Variants in EDNRB observed in about 807,000 individuals in gnomAD.
EDNRB encodes endothelin receptor type B.
EDNRB carries 18 observed loss-of-function variants against 46.4 expected under a neutral mutation model. The observed-to-expected ratio is 0.39, with a 90% CI of 0.27 to 0.57. The LOEUF (loss-of-function observed/expected upper bound fraction) is 0.57, where lower values mean the gene tolerates loss of function less well. EDNRB is among the 20% of genes least tolerant of loss of function. The pLI, the probability that EDNRB is intolerant of heterozygous loss-of-function variation, is 0.61. For synonymous variants in EDNRB, 213 were observed against 204.9 expected (o/e 1.04, Z -0.34); for missense variants, 434 against 537.5 (o/e 0.81, Z 1.90).
intron 1 of EDNRB, among the ~76,000 whole-genome samples, chr13:77,926,563 C>A (rs938772323): frequency 6.6e-6 from 1 of 152,156 alleles, no homozygotes; most frequent in African/African-American, 2.4e-5. Context: ...CAGCCTGGAC[C>A]TTATTATTCA....
At chr13:77,945,254 A>C (rs1253386045) in intron 1 of EDNRB, among the ~76,000 whole-genome samples, 1 of 152,212 alleles carries the variant, frequency 6.6e-6, no homozygotes, top group Admixed American at 6.5e-5. Flanking sequence ...TTGCTAAAAA[A>C]AATCCAAGAC....
At chr13:77,928,422 C>A (rs755528537) in intron 1 of EDNRB, among the ~76,000 whole-genome samples, 1 of 151,954 alleles carries the variant, frequency 6.6e-6, no homozygotes, top group East Asian at 1.9e-4. Context: ...AGTATTGTTA[C>A]CAAATATTTT....
At chr13:77,948,626 C>T (rs1484901676) in intron 1 of EDNRB, among the ~76,000 whole-genome samples, 1 of 152,062 alleles carries the variant, frequency 6.6e-6, no homozygotes, top group Non-Finnish European at 1.5e-5. Context: ...TCAAGGCTGT[C>T]GAATGGAGTG....
intron 1 of EDNRB, among the ~76,000 whole-genome samples, chr13:77,914,620 C>T (rs1231225515): frequency 1.3e-5 from 2 of 152,194 alleles, no homozygotes; most frequent in Non-Finnish European, 2.9e-5. Context: ...TGTCCTCAGA[C>T]ACTTCCCTAG....
chr13:77,899,689 T>A (rs1298703001), intron 6 of EDNRB, 170 bp downstream of exon 6: 2 of 598,308 alleles, frequency 3.3e-6, no homozygotes, highest in Non-Finnish European at 5.8e-6. Flanking sequence ...AAAAAACAAT[T>A]ATAGTGATTT....
chr13:77,919,605 C>G (rs201115708), upstream of EDNRB: 149 of 1,606,406 alleles, frequency 9.3e-5, no homozygotes, highest in Middle Eastern at 1.5e-3. Flanking sequence ...CAGACAAGTA[C>G]TTTTATTCAT....
At chr13:77,940,720 TG>T (rs1880721578) in intron 1 of EDNRB, among the ~76,000 whole-genome samples, 2 of 151,516 alleles carry the variant, frequency 1.3e-5, no homozygotes, top group African/African-American at 4.8e-5. Flanking sequence ...TGTGTGTGTG[TG>T]TGTGTGTGTG....
chr13:77,966,895 G>C (rs777124659), intron 1 of EDNRB, among the ~76,000 whole-genome samples: 1 of 152,056 alleles, frequency 6.6e-6, no homozygotes, highest in Non-Finnish European at 1.5e-5. Context: ...AATCCCTAAA[G>C]GGACAGCAAA....
chr13:77,917,048 T>C (rs996233008), intron 1 of EDNRB, among the ~76,000 whole-genome samples: 4 of 152,136 alleles, frequency 2.6e-5, no homozygotes, highest in Non-Finnish European at 4.4e-5. Flanking sequence ...CCTGGCTCTT[T>C]GTGTGTTTCT....
intron 1 of EDNRB, among the ~76,000 whole-genome samples, chr13:77,958,576 A>AT (rs1963660301): frequency 6.6e-6 from 1 of 152,012 alleles, no homozygotes; most frequent in African/African-American, 2.4e-5. Flanking sequence ...GGGTTTCACC[A>AT]TGTTAGCCAG....
intron 1 of EDNRB, among the ~76,000 whole-genome samples, chr13:77,903,924 G>A (rs907313542): frequency 6.6e-6 from 1 of 151,936 alleles, no homozygotes; most frequent in East Asian, 1.9e-4. Flanking sequence ...CCTGTATACT[G>A]TCATGGAGTC....
intron 1 of EDNRB, among the ~76,000 whole-genome samples, chr13:77,953,394 C>T (rs1390958534): frequency 6.6e-6 from 1 of 150,804 alleles, no homozygotes; most frequent in Non-Finnish European, 1.5e-5. Context: ...CTTTTATTTT[C>T]CATTTATTTG....
chr13:77,924,559 T>C (rs1177520131), upstream of EDNRB, among the ~76,000 whole-genome samples: 1 of 152,226 alleles, frequency 6.6e-6, no homozygotes, highest in Non-Finnish European at 1.5e-5. Flanking sequence ...TAATATAAAA[T>C]TTAACATCTT....
At position 77,897,261 on chromosome 13, in the gene EDNRB, A is replaced by T; in HGVS notation, c.*939T>A. The T allele has an allele frequency of 6.1e-6, 6 of 985,248 alleles. No homozygotes were observed. Among genetic ancestry groups the T allele is most frequent in the Non-Finnish European group, 6.0e-6 (5 of 829,866 alleles). The allele number at this position is 985,248 out of a possible 1,614,324, so 61.0% of individuals were successfully genotyped here. On this transcript the variant is annotated 3_prime_UTR_variant, in exon 7 of 7. Transcript: ENST00000646607. ...CTACATGCAGTGTATGTAGGTAAGT[A>T]TTTACAGATGACAAAACCAAACAGA...
At position 77,897,183 on chromosome 13, in the gene EDNRB, G is replaced by A; in HGVS notation, c.*1017C>T. ...TCACAGTCTTTATTATGAGGTCACTGGCATCTCTCCATCGTAAAGCTATGA... is the reference window on the plus strand; with the variant it reads ...TCACAGTCTTTATTATGAGGTCACTAGCATCTCTCCATCGTAAAGCTATGA... On this transcript the variant is annotated 3_prime_UTR_variant, in exon 7 of 7. Coordinates refer to ENST00000646607, the MANE Select transcript of EDNRB (RefSeq NM_001122659.3). 3.0e-6 allele frequency: 3 copies of A among 985,334 alleles called. No homozygotes were observed. Among genetic ancestry groups the A allele is most frequent in the Non-Finnish European group, 3.6e-6 (3 of 829,976 alleles). 61.0% of individuals were successfully genotyped at this position (985,334 alleles called of 1,614,324 possible). A position where few individuals can be genotyped will look rare whatever the true frequency, so the allele number is the denominator to read the frequency against.
At chr13:77,913,528 C>G (rs924342420) in intron 1 of EDNRB, among the ~76,000 whole-genome samples, 7 of 152,132 alleles carry the variant, frequency 4.6e-5, no homozygotes, top group Non-Finnish European at 1.0e-4. Flanking sequence ...AATGCAATTT[C>G]TTTACACATA....
chr13:77,937,814 C>T (rs747347232), intron 1 of EDNRB, among the ~76,000 whole-genome samples: 12 of 151,922 alleles, frequency 7.9e-5, no homozygotes, highest in South Asian at 2.1e-4. Flanking sequence ...GACTCAGTGA[C>T]GCTTGAGGTT....
At chr13:77,964,807 T>TA (rs79034855) in intron 1 of EDNRB, among the ~76,000 whole-genome samples, 205 of 144,604 alleles carry the variant, frequency 1.4e-3, no homozygotes, top group East Asian at 0.012. Context: ...GAAAACTATA[T>TA]AAAAAAAAAA....
Position 77,957,584 on chromosome 13 carries a change from G to A in EDNRB, c.-52+17763C>T, listed in dbSNP as rs192619790. On this transcript the variant is annotated intron_variant, in intron 1 of 7. Transcript: ENST00000646948. ...AATAACAATAATACCTATCCTAGAA[G>A]GCAGTCATAAGAATTAAATTTTATA... Among the ~76,000 whole-genome samples, 13 of 152,210 alleles carry A rather than the reference G, an allele frequency of 8.5e-5. No homozygotes were observed. In the East Asian group the frequency reaches 2.5e-3, roughly 29 times the overall value.
Sources: gnomAD v4.1 joint callset for allele counts (sites outside exome capture counted in the v4.1 genomes callset) on GRCh38, gnomAD v4.1.1 for gene constraint, MANE v1.5 for transcripts, NCBI Gene and HGNC (gene_info 2026-07-23, HGNC 2026-07-21) for gene names.